SZT2: variants seen among roughly 807,000 people sequenced by gnomAD.
SZT2 encodes SZT2 subunit of KICSTOR complex, also known as KICSTOR complex protein SZT2.
In SZT2, 216 loss-of-function variants were observed where a neutral mutation model predicts 404.2. The ratio of observed to expected loss-of-function variants is 0.53; its 90% CI spans 0.48 to 0.60. The LOEUF is 0.60. Ranked by LOEUF, SZT2 falls within the 20% of genes least tolerant of loss-of-function variation. The pLI, the probability that SZT2 is intolerant of heterozygous loss-of-function variation, is 0.00. For missense variants in SZT2, 3,857 were observed against 4,459.2 expected, an observed-to-expected ratio of 0.86 and a Z score of 3.85; for synonymous variants, 1,693 against 1,749.9, an observed-to-expected ratio of 0.97 and a Z score of 0.81.
chr1:43,453,567 C>G lies in SZT2; in HGVS notation c.*3087C>G. ...GCCCGCGCCCCGGCACCCCCCAGCCCTCCCAGCCCTCCCGGCCCGCGACGC... is the reference window on the plus strand; with the variant it reads ...GCCCGCGCCCCGGCACCCCCCAGCCGTCCCAGCCCTCCCGGCCCGCGACGC... On this transcript the variant is annotated 3_prime_UTR_variant, in exon 72 of 72. Transcript: ENST00000634258. 1 of 1,518,032 alleles carries G rather than the reference C, an allele frequency of 6.6e-7. No individual in the cohort carries two copies. 94.0% of individuals were successfully genotyped at this position (1,518,032 alleles called of 1,614,324 possible).
At chr1:43,410,657 A>G (rs931293606) in intron 4 of SZT2, 35 of 151,986 alleles carry the variant, frequency 2.3e-4, no homozygotes, top group African/African-American at 8.2e-4. Context: ...TGGACTGGGC[A>G]AAGATTTCTT....
intron 28 of SZT2, chr1:43,428,769 A>C: frequency 2.4e-6 from 1 of 421,330 alleles, no homozygotes; most frequent in Non-Finnish European, 4.4e-6. Flanking sequence ...GAACGTAGAG[A>C]CTTGTTCTGA....
intron 1 of SZT2, among the ~76,000 whole-genome samples, chr1:43,391,029 AAAGT>A (rs1478481444): frequency 5.3e-5 from 8 of 151,708 alleles, no homozygotes; most frequent in Non-Finnish European, 8.8e-5. Flanking sequence ...TAAGAGTAAC[AAAGT>A]AAGCCGGGCG....
At position 43,422,374 on chromosome 1, in the gene SZT2, T is replaced by G; in HGVS notation, c.1770-106T>G. 3.4e-6 allele frequency: 5 copies of G among 1,491,332 alleles called. No homozygotes were observed. In the Admixed American group the frequency reaches 1.1e-4, roughly 32 times the overall value. 92.4% of individuals were successfully genotyped at this position (1,491,332 alleles called of 1,614,324 possible). A position where few individuals can be genotyped will look rare whatever the true frequency, so the allele number is the denominator to read the frequency against. On this transcript the variant is annotated intron_variant, in intron 12 of 71. Coordinates refer to ENST00000634258, the MANE Select transcript of SZT2 (RefSeq NM_001365999.1). ...TTTTCCTTGCCTCCCTGCTCTTCAG[T>G]CCCCATAACCTCAGGCAAGGCCTAG...
At position 43,453,181 on chromosome 1, in the gene SZT2, A is replaced by G. The variant is rs903955724; in HGVS notation, c.*2701A>G. ...TGAGCTCCCAGCATGGGATCCCAGC[A>G]TGGGGTGAGCATGAAAGAGTGGCAA... On this transcript the variant is annotated 3_prime_UTR_variant, in exon 72 of 72. Transcript: ENST00000634258. 1 of 648,818 alleles carries G rather than the reference A, an allele frequency of 1.5e-6. No individual in the cohort carries two copies. The highest frequency in any genetic ancestry group is 2.8e-6 in the Non-Finnish European group (1 of 362,942). The allele number at this position is 648,818 out of a possible 1,614,324, so 40.2% of individuals were successfully genotyped here. A position where few individuals can be genotyped will look rare whatever the true frequency, so the allele number is the denominator to read the frequency against.
In SZT2 at chr1:43,443,192, G is replaced by A. The variant is rs372935996; in HGVS notation, c.8424G>A (p.Leu2808=). The A allele has an allele frequency of 4.2e-5, 67 of 1,614,024 alleles. No homozygotes were observed. The highest frequency in any genetic ancestry group is 3.2e-4 in the African/African-American group (24 of 74,914). Residue 2808 remains leucine (L), a synonymous_variant, in exon 60 of 72, where the codon CTG becomes CTA. Coordinates refer to ENST00000634258, the MANE Select transcript of SZT2 (RefSeq NM_001365999.1). ...ACTAATGCCCTCAACCCTCAGAGCTGGAGCGCCAGATGAAGATGGAAAACC... is the reference window on the plus strand; with the variant it reads ...ACTAATGCCCTCAACCCTCAGAGCTAGAGCGCCAGATGAAGATGGAAAACC... ...LEIKMAERRE[L]ERQMKMENLF...
At chr1:43,407,811 C>T (rs919340205) in intron 4 of SZT2, among the ~76,000 whole-genome samples, 1 of 147,938 alleles carries the variant, frequency 6.8e-6, no homozygotes, top group Non-Finnish European at 1.5e-5. Flanking sequence ...TTCTGGGTAT[C>T]GTATTAAATT....
intron 7 of SZT2, among the ~76,000 whole-genome samples, chr1:43,418,615 G>A (rs1651973787): frequency 6.6e-6 from 1 of 152,192 alleles, no homozygotes; most frequent in Admixed American, 6.5e-5. Context: ...CTACACAACT[G>A]TCAGTTTTCT....
intron 62 of SZT2, among the ~76,000 whole-genome samples, chr1:43,444,418 T>C (rs1655437818): frequency 6.6e-6 from 1 of 152,144 alleles, no homozygotes; most frequent in Non-Finnish European, 1.5e-5. Flanking sequence ...ATCTTGTACA[T>C]GCTCCTAAGC....
chr1:43,417,224 C>T (rs1308133525), intron 7 of SZT2, among the ~76,000 whole-genome samples: 4 of 151,998 alleles, frequency 2.6e-5, no homozygotes, highest in East Asian at 1.9e-4. Flanking sequence ...CGGGGGAAGT[C>T]GGGGAGGCTA....
Position 43,432,380 on chromosome 1 carries a change from T to C in SZT2, c.5383T>C (p.Ser1795Pro), listed in dbSNP as rs766252645. 21 of 1,603,082 alleles carry C rather than the reference T, an allele frequency of 1.3e-5. No individual in the cohort carries two copies. In the South Asian group the frequency reaches 2.3e-4, roughly 18 times the overall value. The change falls in exon 37 of 72, where the codon TCT becomes CCT. Residue 1795 changes from serine (S) to proline (P), a missense_variant. By Grantham distance (74) the Ser-to-Pro change is moderately conservative. Transcript: ENST00000634258. ...GCCAGGTGGGTCCCATGGGGAGCCTTCTTCAGCGGCCTGGGCTTGGCACAG... is the reference window on the plus strand; with the variant it reads ...GCCAGGTGGGTCCCATGGGGAGCCTCCTTCAGCGGCCTGGGCTTGGCACAG... Reference protein sequence around the residue: ...QQPGGSHGEPSSAAWAWHSHE... With the variant: ...QQPGGSHGEPPSAAWAWHSHE...
chr1:43,436,361 A>G (rs1227728854), intron 42 of SZT2: 2 of 152,190 alleles, frequency 1.3e-5, no homozygotes, highest in Non-Finnish European at 2.9e-5. Flanking sequence ...TCTTCTGCAA[A>G]TTGAAGATGA....
rs767462709 is a variant in SZT2 at position 43,443,412 on chromosome 1, A to G, written c.8560A>G (p.Met2854Val). The G allele has an allele frequency of 1.9e-6, 3 of 1,614,160 alleles. No individual in the cohort carries two copies. In the Admixed American group the frequency reaches 5.0e-5, roughly 27 times the overall value. The change falls in exon 61 of 72, where the codon ATG becomes GTG. Residue 2854 changes from methionine (M) to valine (V), a missense_variant. Around this residue, in one of 7 missense-constraint regions of SZT2, gnomAD observed 717 missense variants for 868.2 expected, o/e 0.83. Coordinates refer to ENST00000634258, the MANE Select transcript of SZT2 (RefSeq NM_001365999.1). ...CCTGGTGCATTACTGTGCAACAGCC[A>G]TGCTCTTCGACCCAGCTGCCTGGCT... ...SRLVHYCATA[M>V]LFDPAAWLHG...
Position 43,432,980 on chromosome 1 carries a change from C to A in SZT2, c.5603-9C>A, listed in dbSNP as rs1325490982. On this transcript the variant is annotated splice_polypyrimidine_tract_variant and intron_variant, in intron 39 of 71. Transcript: ENST00000634258. Reference sequence around the variant, plus strand: ...CGGATGGGATTGACCTTCAATGCATCTGACACAGGTTATGATGGTGGCAGC... The same window carrying A: ...CGGATGGGATTGACCTTCAATGCATATGACACAGGTTATGATGGTGGCAGC... 3.1e-6 allele frequency: 5 copies of A among 1,613,778 alleles called. No homozygotes were observed. Among genetic ancestry groups the A allele is most frequent in the African/African-American group, 1.3e-5 (1 of 74,928 alleles).
At position 43,437,200 on chromosome 1, in the gene SZT2, C is replaced by T. The variant is rs766797004; in HGVS notation, c.6064C>T (p.Arg2022Cys). Residue 2022 changes from arginine to cysteine, a missense_variant, in exon 43 of 72, where the codon CGT (arginine) becomes TGT (cysteine). Physicochemically the swap from Arg to Cys is radical, Grantham distance 180. Around this residue, in one of 7 missense-constraint regions of SZT2, gnomAD observed 1,725 missense variants for 1,881.0 expected, o/e 0.92. Coordinates refer to ENST00000634258, the MANE Select transcript of SZT2 (RefSeq NM_001365999.1). This position sits in a 1 kb window ranked among gnomAD's most constrained non-coding sequence, Gnocchi z 5.3. ...TGCTGCTGATGAGAGCTGTGCGCCCCGTGGGTACCTGGCAGCCACAATGCA... is the reference window on the plus strand; with the variant it reads ...TGCTGCTGATGAGAGCTGTGCGCCCTGTGGGTACCTGGCAGCCACAATGCA... ...DYAADESCAP[R>C]GYLAATMQFV... 64 of 1,614,040 alleles carry T rather than the reference C, an allele frequency of 4.0e-5. No individual in the cohort carries two copies. The highest frequency in any genetic ancestry group is 5.0e-5 in the Non-Finnish European group (59 of 1,180,040).
chr1:43,452,159 C>A lies in SZT2; in HGVS notation c.*1679C>A, dbSNP rs1176539518. On this transcript the variant is annotated 3_prime_UTR_variant, in exon 72 of 72. Transcript: ENST00000634258. The stretch of plus-strand genomic sequence containing the variant: ...CCCACTGTGCACCCCCTTCTCCGCA[C>A]ACCCACAGAGACATGTAAGTACGTG... 6.5e-7 allele frequency: 1 copy of A among 1,542,908 alleles called. No homozygotes were observed. Among genetic ancestry groups the A allele is most frequent in the Non-Finnish European group, 8.9e-7 (1 of 1,122,456 alleles).
chr1:43,452,388 A>C lies in SZT2; in HGVS notation c.*1908A>C. 3.1e-6 allele frequency: 4 copies of C among 1,283,784 alleles called. No individual in the cohort carries two copies. Among genetic ancestry groups the C allele is most frequent in the Non-Finnish European group, 4.5e-6 (4 of 896,480 alleles). The allele number at this position is 1,283,784 out of a possible 1,614,324, so 79.5% of individuals were successfully genotyped here. On this transcript the variant is annotated 3_prime_UTR_variant, in exon 72 of 72. Coordinates refer to ENST00000634258, the MANE Select transcript of SZT2 (RefSeq NM_001365999.1). ...TCTGCACCTCTTCCAGGATTCCCTGACTGTGCCAGCCCTCGTCCGTCTCCC... is the reference window on the plus strand; with the variant it reads ...TCTGCACCTCTTCCAGGATTCCCTGCCTGTGCCAGCCCTCGTCCGTCTCCC...
At position 43,437,193 on chromosome 1, in the gene SZT2, T is replaced by C. The variant is rs1202519508; in HGVS notation, c.6057T>C (p.Cys2019=). The C allele has an allele frequency of 1.2e-6, 2 of 1,614,196 alleles. No individual in the cohort carries two copies. Among genetic ancestry groups the C allele is most frequent in the Non-Finnish European group, 1.7e-6 (2 of 1,180,036 alleles). The change falls in exon 43 of 72, where the codon TGT becomes TGC. Residue 2019 remains cysteine, a synonymous_variant. Transcript: ENST00000634258. This position sits in a 1 kb window ranked among gnomAD's most constrained non-coding sequence, Gnocchi z 5.3. ...CAGATTATGCTGCTGATGAGAGCTG[T>C]GCGCCCCGTGGGTACCTGGCAGCCA... ...PSDDYAADES[C]APRGYLAATM...
In SZT2 at chr1:43,442,997, G is replaced by C. The variant is rs1570720687; in HGVS notation, c.8330G>C (p.Ser2777Thr). 2 of 1,614,138 alleles carry C rather than the reference G, an allele frequency of 1.2e-6. No homozygotes were observed. Among genetic ancestry groups the C allele is most frequent in the Non-Finnish European group, 1.7e-6 (2 of 1,179,996 alleles). Residue 2777 changes from serine to threonine, a missense_variant, in exon 59 of 72, where the codon AGC becomes ACC. Transcript: ENST00000634258. This position sits in a 1 kb window ranked among gnomAD's most constrained non-coding sequence, Gnocchi z 4.5. The part of the protein sequence containing the change: ...ALRDITAARP[S>T]SVLGPVPRPP... The stretch of plus-strand genomic sequence containing the variant: ...AGGGATATCACGGCTGCCCGCCCCA[G>C]CTCCGTACTTGGTCCTGTGCCCAGA...
Sources: allele counts gnomAD v4.1 joint callset (sites outside exome capture counted in the v4.1 genomes callset), GRCh38; gene constraint gnomAD v4.1.1; regional missense constraint gnomAD v4.1.1; non-coding constraint Gnocchi (gnomAD v3.1); transcripts MANE v1.5; gene names NCBI Gene and HGNC (gene_info 2026-07-23, HGNC 2026-07-21).